Variants in RBMXL3 observed in about 807,000 individuals in gnomAD.
The protein encoded by RBMXL3 is RNA-binding motif protein, X-linked-like-3.
In RBMXL3, 2 loss-of-function variants were observed where a neutral mutation model predicts 0.8. The ratio of observed to expected loss-of-function variants is 2.54; its 90% CI spans 1.04 to 8.00. RBMXL3 has a LOEUF of 8.00. Ranked by LOEUF, RBMXL3 falls within the 30% of genes most tolerant of loss-of-function variation. The pLI is 0.04. For missense variants in RBMXL3, 1,127 were observed against 1,068.0 expected, an observed-to-expected ratio of 1.06 and a Z score of -0.77; for synonymous variants, 447 against 449.8, an observed-to-expected ratio of 0.99 and a Z score of 0.08.
At position 115,191,655 on chromosome X, in the gene RBMXL3, C is replaced by T. The variant is rs952414411; in HGVS notation, c.2214C>T (p.Ser738=). 2.9e-5 allele frequency: 34 copies of T among 1,158,481 alleles called. No individual in the cohort carries two copies. Among genetic ancestry groups the T allele is most frequent in the Non-Finnish European group, 3.8e-5 (33 of 868,533 alleles). The change falls in exon 1 of 1, where the codon AGC becomes AGT. Residue 738 remains serine, a synonymous_variant. Transcript: ENST00000424776. ...GGGGCCACGACAGTTCCAGCCAGAG[C>T]GACCACTATGGAGGAGGAGGTCGCT... ...YSRGHDSSSQ[S]DHYGGGGRSL...
Position 115,189,801 on chromosome X carries a change from AC to A in RBMXL3, c.366del (p.Ser123LeufsTer153), listed in dbSNP as rs781840406. ...GTGGGGGTGGCAGCAGCCCACAGCG[AC>A]CCCCCTCTCAGGGCAGGCCTGATGA... ...TRGGGSSPQR[P>X]PSQGRPDDGR... is the part of the protein sequence containing the mutation. On this transcript the variant is annotated frameshift_variant, in exon 1 of 1. Coordinates refer to ENST00000424776, the MANE Select transcript of RBMXL3 (RefSeq NM_001145346.2). LOFTEE classifies it low-confidence loss of function (END_TRUNC). The A allele has an allele frequency of 5.2e-6, 6 of 1,163,166 alleles. No homozygotes were observed. The African/African-American group carries it at 7.3e-5, about 14-fold the overall frequency.
In RBMXL3 at chrX:115,189,514, A is replaced by G. The variant is rs781935108; in HGVS notation, c.73A>G (p.Lys25Glu). ...CCTCAAAACCGACGAGAAAGCCCTC[A>G]AAGCCGAGTTTGGCAAGTATGGCCA... The part of the protein sequence containing the change: ...LNLKTDEKAL[K>E]AEFGKYGHII... The change falls in exon 1 of 1, where the codon AAA (lysine) becomes GAA (glutamate). Residue 25 changes from lysine to glutamate, a missense_variant. Transcript: ENST00000424776. 7 of 1,182,878 alleles carry G rather than the reference A, an allele frequency of 5.9e-6. No individual in the cohort carries two copies. In the East Asian group the frequency reaches 2.2e-4, roughly 37 times the overall value.
rs987562969 is a variant in RBMXL3 at position 115,190,261 on chromosome X, C to T, written c.820C>T (p.Pro274Ser). 8.6e-7 allele frequency: 1 copy of T among 1,156,608 alleles called. No individual in the cohort carries two copies. Among genetic ancestry groups the T allele is most frequent in the Non-Finnish European group, 1.2e-6 (1 of 865,851 alleles). The stretch of plus-strand genomic sequence containing the variant: ...CCACTCCAGTGTCCCGGACTACCGT[C>T]CCTTGAGAGGCGACGGCAACCAAAA... ...YGHSSVPDYR[P>S]LRGDGNQNGY... The change falls in exon 1 of 1, where the codon CCC becomes TCC. Residue 274 changes from proline to serine, a missense_variant. Physicochemically the swap from Pro to Ser is moderately conservative, Grantham distance 74. Transcript: ENST00000424776.
In RBMXL3 at chrX:115,191,931, C is replaced by T. The variant is rs1556560480; in HGVS notation, c.2490C>T (p.Ser830=). 2.2e-5 allele frequency: 26 copies of T among 1,164,287 alleles called. No individual in the cohort carries two copies. Among genetic ancestry groups the T allele is most frequent in the South Asian group, 7.6e-5 (4 of 52,442 alleles). The change falls in exon 1 of 1, where the codon AGC becomes AGT. Residue 830 remains serine (S), a synonymous_variant. Coordinates refer to ENST00000424776, the MANE Select transcript of RBMXL3 (RefSeq NM_001145346.2). The part of the protein sequence containing the change: ...ENRGHSLDAN[S]GGHSPNAYSG... Reference sequence around the variant, plus strand: ...GAGGTCACTCTCTCGATGCCAACAGCGGAGGCCACTCACCCAACGCCTACA... The same window carrying T: ...GAGGTCACTCTCTCGATGCCAACAGTGGAGGCCACTCACCCAACGCCTACA...
Position 115,190,061 on chromosome X carries a change from C to A in RBMXL3, c.620C>A (p.Ala207Asp). The change falls in exon 1 of 1, where the codon GCT (alanine) becomes GAT (aspartate). Residue 207 changes from alanine (A) to aspartate (D), a missense_variant. Coordinates refer to ENST00000424776, the MANE Select transcript of RBMXL3 (RefSeq NM_001145346.2). ...TGGGCCGGCCCACCCCACAAGAGGG[C>A]TGTGCCCCGGTCAAGCCTGGCTCGC... is the stretch of plus-strand genomic sequence containing the variant. ...RRWAGPPHKR[A>D]VPRSSLARIG... is the part of the protein sequence containing the mutation. The A allele has an allele frequency of 8.7e-7, 1 of 1,154,820 alleles. No homozygotes were observed. Among genetic ancestry groups the A allele is most frequent in the Non-Finnish European group, 1.2e-6 (1 of 867,017 alleles).
rs781818658 is a variant in RBMXL3, at chrX:115,192,056, A to G, written c.2615A>G (p.His872Arg). Residue 872 changes from histidine (H) to arginine (R), a missense_variant, in exon 1 of 1, where the codon CAC becomes CGC. His to Arg is a conservative substitution (Grantham distance 29, BLOSUM62 0). Coordinates refer to ENST00000424776, the MANE Select transcript of RBMXL3 (RefSeq NM_001145346.2). ...TACCGAGGCCGCTCGCACGACACCCACAGCAGGGGCCGATCGCCCGATGCC... is the reference window on the plus strand; with the variant it reads ...TACCGAGGCCGCTCGCACGACACCCGCAGCAGGGGCCGATCGCCCGATGCC... Reference protein sequence around the residue: ...EEYRGRSHDTHSRGRSPDAHS... With the variant: ...EEYRGRSHDTRSRGRSPDAHS... 3.4e-6 allele frequency: 4 copies of G among 1,165,729 alleles called. No individual in the cohort carries two copies. In the South Asian group the frequency reaches 7.6e-5, roughly 22 times the overall value.
chrX:115,190,640 A>C lies in RBMXL3; in HGVS notation c.1199A>C (p.His400Pro). The C allele has an allele frequency of 1.4e-5, 16 of 1,157,677 alleles. No individual in the cohort carries two copies. The highest frequency in any genetic ancestry group is 1.8e-5 in the Non-Finnish European group (16 of 865,567). ...EEYRGRSPDA[H>P]SGGRNSSSNS... Reference sequence around the variant, plus strand: ...TACAGAGGCCGCTCGCCCGACGCCCACAGCGGGGGCCGCAACAGTTCCAGC... The same window carrying C: ...TACAGAGGCCGCTCGCCCGACGCCCCCAGCGGGGGCCGCAACAGTTCCAGC... The change falls in exon 1 of 1, where the codon CAC (histidine) becomes CCC (proline). Residue 400 changes from histidine to proline, a missense_variant. Transcript: ENST00000424776.
At position 115,190,324 on chromosome X, in the gene RBMXL3, C is replaced by G. The variant is rs188693280; in HGVS notation, c.883C>G (p.Pro295Ala). 75 of 1,156,519 alleles carry G rather than the reference C, an allele frequency of 6.5e-5. No individual in the cohort carries two copies. Among genetic ancestry groups the G allele is most frequent in the Non-Finnish European group, 8.5e-5 (74 of 867,548 alleles). Residue 295 changes from proline (P) to alanine (A), a missense_variant, in exon 1 of 1, where the codon CCC becomes GCC. Pro to Ala is a conservative substitution (Grantham distance 27). Transcript: ENST00000424776. ...RGRDHEYTDHPSKGSYREPLK... is the reference protein window; with the variant it reads ...RGRDHEYTDHASKGSYREPLK... Reference sequence around the variant, plus strand: ...TCGCGACCATGAGTACACAGATCATCCCAGCAAAGGCTCCTACCGAGAGCC... The same window carrying G: ...TCGCGACCATGAGTACACAGATCATGCCAGCAAAGGCTCCTACCGAGAGCC...
Position 115,192,814 on chromosome X carries a change from G to C in RBMXL3, c.*169G>C, listed in dbSNP as rs2072856219. The C allele has an allele frequency of 4.1e-6, 2 of 484,934 alleles. No homozygotes were observed. Among genetic ancestry groups the C allele is most frequent in the African/African-American group, 2.4e-5 (1 of 41,374 alleles). The allele number at this position is 484,934 out of a possible 1,213,427, so 40.0% of individuals were successfully genotyped here. A position where few individuals can be genotyped will look rare whatever the true frequency, so the allele number is the denominator to read the frequency against. Reference sequence around the variant, plus strand: ...TTTTGTGAGGAAAAACTTAAAATTAGTTTGAAATTGTTAATGTTTCTTTCA... The same window carrying C: ...TTTTGTGAGGAAAAACTTAAAATTACTTTGAAATTGTTAATGTTTCTTTCA... On this transcript the variant is annotated 3_prime_UTR_variant, in exon 1 of 1. Coordinates refer to ENST00000424776, the MANE Select transcript of RBMXL3 (RefSeq NM_001145346.2).
chrX:115,191,879 G>A lies in RBMXL3; in HGVS notation c.2438G>A (p.Arg813Lys), dbSNP rs1215499541. The A allele has an allele frequency of 2.6e-6, 3 of 1,163,794 alleles. No individual in the cohort carries two copies. The highest frequency in any genetic ancestry group is 3.4e-6 in the Non-Finnish European group (3 of 872,047). The change falls in exon 1 of 1, where the codon AGA becomes AAA. Residue 813 changes from arginine (R) to lysine (K), a missense_variant. Physicochemically the swap from Arg to Lys is conservative, Grantham distance 26 (BLOSUM62 2). Transcript: ENST00000424776. ...AGTTCCAGCCGGAACGACCCCTGCA[G>A]AGGAGGAGGCCGCTACGAGGAGAAC... ...HNSSSRNDPC[R>K]GGGRYEENRG...
chrX:115,191,583 C>G lies in RBMXL3; in HGVS notation c.2142C>G (p.His714Gln), dbSNP rs2072822981. 1.8e-6 allele frequency: 2 copies of G among 1,083,750 alleles called. No individual in the cohort carries two copies. Among genetic ancestry groups the G allele is most frequent in the Non-Finnish European group, 2.4e-6 (2 of 817,279 alleles). The allele number at this position is 1,083,750 out of a possible 1,213,427, so 89.3% of individuals were successfully genotyped here. A position where few individuals can be genotyped will look rare whatever the true frequency, so the allele number is the denominator to read the frequency against. ...GGGRYEEYRG[H>Q]SLDANSGGRS... The stretch of plus-strand genomic sequence containing the variant: ...GCCGCTACGAGGAGTACCGAGGCCA[C>G]TCGCTTGATGCCAACAGCGGAGGCC... The change falls in exon 1 of 1, where the codon CAC becomes CAG. Residue 714 changes from histidine (H) to glutamine (Q), a missense_variant. Coordinates refer to ENST00000424776, the MANE Select transcript of RBMXL3 (RefSeq NM_001145346.2).
rs782762752 is a variant in RBMXL3, at chrX:115,191,261, C to G, written c.1820C>G (p.Ser607Trp). The G allele has an allele frequency of 1.7e-6, 2 of 1,153,975 alleles. No homozygotes were observed. ...CTCGATGCCAACAGTGGAGGCCGCT[C>G]GCCCAATGCCTACAGCGGGGGCCAC... ...RSLDANSGGR[S>W]PNAYSGGHDS... Residue 607 changes from serine (S) to tryptophan (W), a missense_variant, in exon 1 of 1, where the codon TCG (serine) becomes TGG (tryptophan). Transcript: ENST00000424776.
In RBMXL3 at chrX:115,190,045, C is replaced by A. The variant is rs918893623; in HGVS notation, c.604C>A (p.Pro202Thr). 4.0e-5 allele frequency: 46 copies of A among 1,156,629 alleles called. No individual in the cohort carries two copies. The African/African-American group carries it at 6.8e-4, about 17-fold the overall frequency. The change falls in exon 1 of 1, where the codon CCA becomes ACA. Residue 202 changes from proline (P) to threonine (T), a missense_variant. Transcript: ENST00000424776. Reference protein sequence around the residue: ...SGLQPRRWAGPPHKRAVPRSS... With the variant: ...SGLQPRRWAGTPHKRAVPRSS... ...CTTGCAGCCACGGCGCTGGGCCGGC[C>A]CACCCCACAAGAGGGCTGTGCCCCG...
In RBMXL3 at chrX:115,192,462, G is replaced by A; in HGVS notation, c.3021G>A (p.Arg1007=). 11 of 1,169,946 alleles carry A rather than the reference G, an allele frequency of 9.4e-6. No homozygotes were observed. Among genetic ancestry groups the A allele is most frequent in the Non-Finnish European group, 1.3e-5 (11 of 874,101 alleles). ...ACAGATCCAGCAACAGTTACGGCCG[G>A]AGCGACCGCTACTCGAGGGGTCGAG... The part of the protein sequence containing the change: ...DHDRSSNSYG[R]SDRYSRGRDR... Residue 1007 remains arginine, a synonymous_variant, in exon 1 of 1, where the codon CGG becomes CGA. Coordinates refer to ENST00000424776, the MANE Select transcript of RBMXL3 (RefSeq NM_001145346.2).
At position 115,191,596 on chromosome X, in the gene RBMXL3, A is replaced by C. The variant is rs1556559686; in HGVS notation, c.2155A>C (p.Asn719His). ...GTACCGAGGCCACTCGCTTGATGCC[A>C]ACAGCGGAGGCCGCTCGCCTGACAC... The part of the protein sequence containing the change: ...EEYRGHSLDA[N>H]SGGRSPDTYS... Residue 719 changes from asparagine to histidine, a missense_variant, in exon 1 of 1, where the codon AAC (asparagine) becomes CAC (histidine). By Grantham distance (68) the Asn-to-His change is moderately conservative (BLOSUM62 1). Transcript: ENST00000424776. The C allele has an allele frequency of 6.5e-6, 7 of 1,083,254 alleles. No individual in the cohort carries two copies. The highest frequency in any genetic ancestry group is 7.3e-6 in the Non-Finnish European group (6 of 817,729). 89.3% of individuals were successfully genotyped at this position (1,083,254 alleles called of 1,213,427 possible).
chrX:115,191,659 C>T lies in RBMXL3; in HGVS notation c.2218C>T (p.His740Tyr). Residue 740 changes from histidine (H) to tyrosine (Y), a missense_variant, in exon 1 of 1, where the codon CAC (histidine) becomes TAC (tyrosine). Coordinates refer to ENST00000424776, the MANE Select transcript of RBMXL3 (RefSeq NM_001145346.2). ...CCACGACAGTTCCAGCCAGAGCGAC[C>T]ACTATGGAGGAGGAGGTCGCTCACT... Reference protein sequence around the residue: ...RGHDSSSQSDHYGGGGRSLDA... With the variant: ...RGHDSSSQSDYYGGGGRSLDA... 8.6e-7 allele frequency: 1 copy of T among 1,160,786 alleles called. No individual in the cohort carries two copies. Among genetic ancestry groups the T allele is most frequent in the Non-Finnish European group, 1.1e-6 (1 of 869,726 alleles).
In RBMXL3 at chrX:115,189,596, C is replaced by T. The variant is rs782112464; in HGVS notation, c.155C>T (p.Ala52Val). 2.6e-6 allele frequency: 3 copies of T among 1,169,157 alleles called. No individual in the cohort carries two copies. Among genetic ancestry groups the T allele is most frequent in the Admixed American group, 5.1e-5 (2 of 38,918 alleles). The change falls in exon 1 of 1, where the codon GCG becomes GTG. Residue 52 changes from alanine to valine, a missense_variant. Physicochemically the swap from Ala to Val is moderately conservative, Grantham distance 64. Transcript: ENST00000424776. Reference sequence around the variant, plus strand: ...AAAACCAACAAGTCGAGGGGCTTCGCGTTCGTCACCTTCGAAAGCCCTGCA... The same window carrying T: ...AAAACCAACAAGTCGAGGGGCTTCGTGTTCGTCACCTTCGAAAGCCCTGCA... Reference protein sequence around the residue: ...DRKTNKSRGFAFVTFESPADA... With the variant: ...DRKTNKSRGFVFVTFESPADA...
chrX:115,190,130 G>T lies in RBMXL3; in HGVS notation c.689G>T (p.Gly230Val). The T allele has an allele frequency of 8.6e-7, 1 of 1,160,726 alleles. No homozygotes were observed. Residue 230 changes from glycine to valine, a missense_variant, in exon 1 of 1, where the codon GGG becomes GTG. Coordinates refer to ENST00000424776, the MANE Select transcript of RBMXL3 (RefSeq NM_001145346.2). ...CCTGGGAAGGCCCCGGCCGTGTGGG[G>T]GCAAGATGGCTACTCAGGCCCGCGG... ...GMPGKAPAVW[G>V]QDGYSGPRVR...
In RBMXL3 at chrX:115,190,266, G is replaced by T; in HGVS notation, c.825G>T (p.Leu275Phe). ...CCAGTGTCCCGGACTACCGTCCCTT[G>T]AGAGGCGACGGCAACCAAAATGGCT... ...GHSSVPDYRP[L>F]RGDGNQNGYR... The change falls in exon 1 of 1, where the codon TTG (leucine) becomes TTT (phenylalanine). Residue 275 changes from leucine to phenylalanine, a missense_variant. Coordinates refer to ENST00000424776, the MANE Select transcript of RBMXL3 (RefSeq NM_001145346.2). The T allele has an allele frequency of 5.2e-6, 6 of 1,153,790 alleles. No homozygotes were observed. Among genetic ancestry groups the T allele is most frequent in the Non-Finnish European group, 6.9e-6 (6 of 864,424 alleles).
Sources: gnomAD v4.1 joint callset for allele counts on GRCh38, gnomAD v4.1.1 for gene constraint, MANE v1.5 for transcripts, NCBI Gene and HGNC (gene_info 2026-07-23, HGNC 2026-07-21) for gene names.